The following PLEKHA7 variants were observed in gnomAD, a reference collection of about 807,000 sequenced individuals.
The protein encoded by PLEKHA7 is pleckstrin homology domain containing A7.
A neutral mutation model predicts 170.0 loss-of-function variants in PLEKHA7; 104 were observed. The observed-to-expected ratio is 0.61, with a 90% CI of 0.52 to 0.72. PLEKHA7 has a LOEUF of 0.72. Among genes scored for constraint, PLEKHA7 ranks in the 30% least tolerant of loss-of-function variants. PLEKHA7 has a pLI of 0.00. For synonymous variants in PLEKHA7, 648 were observed against 660.8 expected, an observed-to-expected ratio of 0.98 and a Z score of 0.30; for missense variants, 1,615 against 1,671.7, an observed-to-expected ratio of 0.97 and a Z score of 0.59.
chr11:16,928,648 G>A (rs1590643875), intron 3 of PLEKHA7, among the ~76,000 whole-genome samples: 1 of 151,764 alleles, frequency 6.6e-6, no homozygotes, highest in African/African-American at 2.4e-5. Context: ...TAGAGATGGG[G>A]ACTCACTATG....
At chr11:16,898,144 T>C (rs577464601) in intron 3 of PLEKHA7, among the ~76,000 whole-genome samples, 1 of 152,252 alleles carries the variant, frequency 6.6e-6, no homozygotes, top group Non-Finnish European at 1.5e-5. Context: ...ACATGATCCA[T>C]CCCGGCATCC....
intron 8 of PLEKHA7, among the ~76,000 whole-genome samples, chr11:16,845,618 T>G (rs1313248782): frequency 2.0e-5 from 3 of 152,186 alleles, no homozygotes; most frequent in African/African-American, 7.2e-5. Context: ...CCACCCACCT[T>G]GGCTTCCCAA....
chr11:16,891,971 G>A (rs1434369522), intron 3 of PLEKHA7, among the ~76,000 whole-genome samples: 1 of 152,198 alleles, frequency 6.6e-6, no homozygotes, highest in Non-Finnish European at 1.5e-5. Flanking sequence ...GGATCAGTGG[G>A]TGGAGTCACT....
intron 3 of PLEKHA7, among the ~76,000 whole-genome samples, chr11:16,938,374 A>G (rs1170438346): frequency 6.6e-6 from 1 of 152,082 alleles, no homozygotes; most frequent in Non-Finnish European, 1.5e-5. Flanking sequence ...CCCCTTTATC[A>G]TGTATTTATG....
intron 3 of PLEKHA7, among the ~76,000 whole-genome samples, chr11:16,939,419 GA>G (rs199979687): frequency 3.3e-5 from 5 of 149,784 alleles, no homozygotes; most frequent in African/African-American, 1.2e-4. Flanking sequence ...GTTATCTAAA[GA>G]AAAAAAATAA....
intron 12 of PLEKHA7, among the ~76,000 whole-genome samples, chr11:16,814,105 CTT>C (rs1280461530): frequency 3.3e-5 from 5 of 152,164 alleles, no homozygotes; most frequent in African/African-American, 1.2e-4. Flanking sequence ...AGGCAGGGCT[CTT>C]ATGCATGGGA....
chr11:16,805,587 CAAGAT>C (rs1848909463), intron 13 of PLEKHA7, among the ~76,000 whole-genome samples: 1 of 151,782 alleles, frequency 6.6e-6, no homozygotes, highest in Non-Finnish European at 1.5e-5. Context: ...GTCAGGAGTT[CAAGAT>C]CAGTCTGGCC....
chr11:16,877,504 G>T (rs1454783393), intron 3 of PLEKHA7, among the ~76,000 whole-genome samples: 1 of 152,082 alleles, frequency 6.6e-6, no homozygotes, highest in Non-Finnish European at 1.5e-5. Flanking sequence ...TCACAAAATT[G>T]CTCACTTAAT....
At chr11:16,968,896 C>A (rs1006506165) in intron 3 of PLEKHA7, among the ~76,000 whole-genome samples, 9 of 152,236 alleles carry the variant, frequency 5.9e-5, no homozygotes, top group African/African-American at 1.9e-4. Flanking sequence ...CTCTAATATG[C>A]CCCCCATACC....
intron 26 of PLEKHA7, 24 bp from the exon 27 acceptor site, chr11:16,779,044 T>G: frequency 1.4e-6 from 1 of 702,258 alleles, no homozygotes. Flanking sequence ...CAGGAGACAG[T>G]GAGAGGCTGG....
chr11:16,968,763 G>A (rs376229619), intron 3 of PLEKHA7, among the ~76,000 whole-genome samples: 2 of 152,142 alleles, frequency 1.3e-5, no homozygotes, highest in East Asian at 3.9e-4. Context: ...GGCATGATAG[G>A]CCTGCAAACT....
intron 8 of PLEKHA7, among the ~76,000 whole-genome samples, chr11:16,848,593 A>C (rs1470390085): frequency 6.6e-6 from 1 of 152,218 alleles, no homozygotes; most frequent in African/African-American, 2.4e-5. Flanking sequence ...CAGATGTAAT[A>C]ATTATTGTGA....
intron 17 of PLEKHA7, among the ~76,000 whole-genome samples, chr11:16,797,811 A>G (rs1848337861): frequency 6.6e-6 from 1 of 152,176 alleles, no homozygotes; most frequent in Admixed American, 6.5e-5. Context: ...CCTCCTCCAT[A>G]GCTCCCTGGC....
rs543048347 is a variant in PLEKHA7, at chr11:16,887,628, G to A, written c.222-16446C>T. Among the ~76,000 whole-genome samples the A allele has an allele frequency of 2.6e-5, 4 of 152,296 alleles. No individual in the cohort carries two copies. The East Asian group carries it at 5.8e-4, about 22-fold the overall frequency. On this transcript the variant is annotated intron_variant, in intron 3 of 26. Coordinates refer to ENST00000531066, the MANE Select transcript of PLEKHA7 (RefSeq NM_001329630.2). ...CCGGGCTGGTCTCCAGCTCCTAACC[G>A]CGAGTGATCTGCCAGCCTCAGCCTC...
intron 3 of PLEKHA7, among the ~76,000 whole-genome samples, chr11:16,982,833 G>GGAGAGAGAGAGGGA (rs1863520260): frequency 6.7e-6 from 1 of 148,838 alleles, no homozygotes; most frequent in African/African-American, 2.5e-5. Context: ...AGAGAGAGAG[G>GGAGAGAGAGAGGGA]GAGAGAGAGA....
intron 26 of PLEKHA7, 104 bp from the exon 27 acceptor site, chr11:16,779,124 A>G (rs916569904): frequency 1.4e-6 from 1 of 691,076 alleles, no homozygotes; most frequent in African/African-American, 1.7e-5. Flanking sequence ...AGAGCAGCAG[A>G]GCAGGGGGCT....
intron 9 of PLEKHA7, among the ~76,000 whole-genome samples, chr11:16,830,123 C>T (rs761988125): frequency 3.3e-5 from 5 of 151,974 alleles, no homozygotes; most frequent in Non-Finnish European, 7.4e-5. Flanking sequence ...GTACCACAGG[C>T]GCCTGCCACC....
intron 4 of PLEKHA7, among the ~76,000 whole-genome samples, chr11:16,864,490 A>G (rs1475749524): frequency 6.6e-6 from 1 of 152,198 alleles, no homozygotes; most frequent in Non-Finnish European, 1.5e-5. Context: ...AAACTGTCTG[A>G]TACAGTTTGG....
chr11:16,853,182 C>T (rs897274212), intron 6 of PLEKHA7, among the ~76,000 whole-genome samples: 1 of 151,322 alleles, frequency 6.6e-6, no homozygotes, highest in African/African-American at 2.4e-5. Context: ...CCCAGCTGTA[C>T]AAAAAAAAAT....
Sources: allele counts gnomAD v4.1 joint callset (sites outside exome capture counted in the v4.1 genomes callset), GRCh38; gene constraint gnomAD v4.1.1; transcripts MANE v1.5; gene names NCBI Gene and HGNC (gene_info 2026-07-23, HGNC 2026-07-21).